The following SNX19 variants were observed in gnomAD, a reference collection of about 807,000 sequenced individuals.
The protein encoded by SNX19 is sorting nexin-19.
In SNX19, 60 loss-of-function variants were observed where a neutral mutation model predicts 85.2. The observed-to-expected ratio is 0.70, with a 90% CI of 0.57 to 0.87. The LOEUF is 0.87. Ranked by LOEUF, SNX19 falls within the 40% of genes least tolerant of loss-of-function variation. The pLI is 0.00. For synonymous variants in SNX19, 520 were observed against 470.0 expected (o/e 1.11, Z -1.38); for missense variants, 1,201 against 1,217.8 (o/e 0.99, Z 0.21).
chr11:130,874,383 A>G lies in SNX19; in HGVS notation c.*4039T>C, dbSNP rs1038949973. On this transcript the variant is annotated 3_prime_UTR_variant, in exon 11 of 11. Coordinates refer to ENST00000265909, the MANE Select transcript of SNX19 (RefSeq NM_014758.3). ...TCCTTCATTCCTTAGAAGAAAACAC[A>G]GAAGAGATGCTCCTGTTCTTTTATG... Among the ~76,000 whole-genome samples, 11 of 152,200 alleles carry G rather than the reference A, an allele frequency of 7.2e-5. No individual in the cohort carries two copies. The highest frequency in any genetic ancestry group is 2.7e-4 in the African/African-American group (11 of 41,448).
Position 130,869,840 on chromosome 11 carries a change from TA to T in SNX19, c.*8581del, listed in dbSNP as rs1192629335. The T allele has an allele frequency of 6.6e-6, 1 of 151,894 alleles. No homozygotes were observed. The highest frequency in any genetic ancestry group is 1.5e-5 in the Non-Finnish European group (1 of 68,008). 9.4% of individuals were successfully genotyped at this position (151,894 alleles called of 1,614,324 possible). A position where few individuals can be genotyped will look rare whatever the true frequency, so the allele number is the denominator to read the frequency against. ...CCTTAAGTTGATGTCCATATTGATT[TA>T]ACTATCAAAAAGGCAATTAGATTAG... On this transcript the variant is annotated 3_prime_UTR_variant, in exon 11 of 11. Transcript: ENST00000265909.
At chr11:130,884,163 A>G (rs1565510904) in intron 8 of SNX19, among the ~76,000 whole-genome samples, 2 of 152,128 alleles carry the variant, frequency 1.3e-5, no homozygotes, top group Non-Finnish European at 2.9e-5. Flanking sequence ...CTCTAAGGTA[A>G]AGCTCCATAC....
In SNX19 at chr11:130,915,904, A is replaced by C. The variant is rs1946555395; in HGVS notation, c.36T>G (p.Thr12=). ...TGAGGTGACAGCTCGATCCAGCTGGAGTTTCCTGGAACGGTGGCACTGTTT... is the reference window on the plus strand; with the variant it reads ...TGAGGTGACAGCTCGATCCAGCTGGCGTTTCCTGGAACGGTGGCACTGTTT... ...KTETVPPFQE[T]PAGSSCHLNN... Residue 12 remains threonine (T), a synonymous_variant, in exon 1 of 11, where the codon ACT becomes ACG. Transcript: ENST00000265909. The C allele has an allele frequency of 1.2e-6, 2 of 1,614,034 alleles. No individual in the cohort carries two copies.
At chr11:130,892,894 G>C (rs1944592661) in intron 8 of SNX19, 1 of 152,192 alleles carries the variant, frequency 6.6e-6, no homozygotes, top group East Asian at 1.9e-4. Flanking sequence ...CAAGGGCAAG[G>C]GCAGAGAGGT....
chr11:130,897,064 C>T (rs1944925038), intron 8 of SNX19, among the ~76,000 whole-genome samples: 1 of 152,096 alleles, frequency 6.6e-6, no homozygotes, highest in African/African-American at 2.4e-5. Context: ...CTCTCCAGTG[C>T]TCCCAGACTC....
At chr11:130,911,861 T>G in intron 1 of SNX19, 90 bp from the exon 2 acceptor site, 1 of 1,283,482 alleles carries the variant, frequency 7.8e-7, no homozygotes. Flanking sequence ...AATGGCCACA[T>G]AGCAAGAGTA....
chr11:130,906,156 T>A, intron 6 of SNX19, 23 bp from the exon 7 acceptor site: 1 of 1,608,198 alleles, frequency 6.2e-7, no homozygotes. Flanking sequence ...CAGTGGCATA[T>A]CACATATGGA....
chr11:130,884,203 A>G (rs1374458466), intron 8 of SNX19, among the ~76,000 whole-genome samples: 1 of 152,164 alleles, frequency 6.6e-6, no homozygotes, highest in Admixed American at 6.5e-5. Flanking sequence ...TAACTTTATT[A>G]ACTCCCCTAA....
intron 8 of SNX19, among the ~76,000 whole-genome samples, chr11:130,889,348 A>AT (rs1405698135): frequency 2.0e-5 from 3 of 152,044 alleles, no homozygotes; most frequent in Non-Finnish European, 2.9e-5. Context: ...TTGTTCATTC[A>AT]TTTACTCAAA....
In SNX19 at chr11:130,870,880, T is replaced by C. The variant is rs635878; in HGVS notation, c.*7542A>G. 6.6e-6 allele frequency among the ~76,000 whole-genome samples: 1 copy of C among 152,204 alleles called. No individual in the cohort carries two copies. Among genetic ancestry groups the C allele is most frequent in the Non-Finnish European group, 1.5e-5 (1 of 68,034 alleles). ...TAAAAAAGATAAAAGATATGTTCGT[T>C]GCCCTTGAAGAATTATAGTCTCTTA... On this transcript the variant is annotated 3_prime_UTR_variant, in exon 11 of 11. Coordinates refer to ENST00000265909, the MANE Select transcript of SNX19 (RefSeq NM_014758.3).
In SNX19 at chr11:130,906,045, T is replaced by A. The variant is rs1267845593; in HGVS notation, c.2351A>T (p.Glu784Val). 1.9e-6 allele frequency: 3 copies of A among 1,614,236 alleles called. No individual in the cohort carries two copies. Among genetic ancestry groups the A allele is most frequent in the Non-Finnish European group, 2.5e-6 (3 of 1,180,034 alleles). Residue 784 changes from glutamate to valine, a missense_variant, in exon 7 of 11, where the codon GAA becomes GTA. By Grantham distance (121) the Glu-to-Val change is moderately radical (BLOSUM62 -2). This residue lies in a region of SNX19 where 285 missense variants were observed against 295.3 expected (regional missense o/e 0.97). Transcript: ENST00000265909. ...TTTGGGAGGTTGTTCAGGATCTTTT[T>A]CTGGGGCTTTTGTTGGCTGCATTTC... is the stretch of plus-strand genomic sequence containing the variant. ...LLEMQPTKAP[E>V]KDPEQPPKGR...
rs1943123002 is a variant in SNX19, at chr11:130,873,999, T to C, written c.*4423A>G. Among the ~76,000 whole-genome samples, 1 of 151,742 alleles carries C rather than the reference T, an allele frequency of 6.6e-6. No individual in the cohort carries two copies. The highest frequency in any genetic ancestry group is 1.5e-5 in the Non-Finnish European group (1 of 67,978). The stretch of plus-strand genomic sequence containing the variant: ...TGGATTGGCATGAGGTGGGTGGTTC[T>C]AGCCAATGAGTCATAAGAGGTTTTT... On this transcript the variant is annotated 3_prime_UTR_variant, in exon 11 of 11. Coordinates refer to ENST00000265909, the MANE Select transcript of SNX19 (RefSeq NM_014758.3).
chr11:130,870,823 GT>G lies in SNX19; in HGVS notation c.*7598del, dbSNP rs1942996794. On this transcript the variant is annotated 3_prime_UTR_variant, in exon 11 of 11. Transcript: ENST00000265909. Reference sequence around the variant, plus strand: ...ATCATGCACTAGGTATATACATATAGTTGGGGGGGGGGCATAAGGACATAAT... The same window carrying G: ...ATCATGCACTAGGTATATACATATAGTGGGGGGGGGGCATAAGGACATAAT... 1.0e-5 allele frequency among the ~76,000 whole-genome samples: 1 copy of G among 95,496 alleles called. No individual in the cohort carries two copies. Among genetic ancestry groups the G allele is most frequent in the Non-Finnish European group, 2.1e-5 (1 of 46,830 alleles). 62.6% of individuals were successfully genotyped at this position (95,496 alleles called of 152,430 possible).
Position 130,876,419 on chromosome 11 carries a change from G to A in SNX19, c.*2003C>T, listed in dbSNP as rs1943255361. The A allele has an allele frequency of 6.6e-6, 1 of 152,636 alleles. No individual in the cohort carries two copies. Among genetic ancestry groups the A allele is most frequent in the African/African-American group, 2.4e-5 (1 of 41,438 alleles). The allele number at this position is 152,636 out of a possible 1,614,324, so 9.5% of individuals were successfully genotyped here. On this transcript the variant is annotated 3_prime_UTR_variant, in exon 11 of 11. Transcript: ENST00000265909. Reference sequence around the variant, plus strand: ...TTTTTGGGGTACGTGGAGTAGAGGTGGGGACTCTTATATAATACGAAATAA... The same window carrying A: ...TTTTTGGGGTACGTGGAGTAGAGGTAGGGACTCTTATATAATACGAAATAA...
Position 130,873,882 on chromosome 11 carries a change from T to C in SNX19, c.*4540A>G, listed in dbSNP as rs1174606922. On this transcript the variant is annotated 3_prime_UTR_variant, in exon 11 of 11. Coordinates refer to ENST00000265909, the MANE Select transcript of SNX19 (RefSeq NM_014758.3). ...GCTTCTTCCTTGCTAACATCAATTA[T>C]TTCTGTAGATATCTGACCTTCATGG... Among the ~76,000 whole-genome samples the C allele has an allele frequency of 1.3e-5, 2 of 152,196 alleles. No homozygotes were observed. Among genetic ancestry groups the C allele is most frequent in the African/African-American group, 4.8e-5 (2 of 41,450 alleles).
At position 130,873,664 on chromosome 11, in the gene SNX19, C is replaced by T. The variant is rs1449052940; in HGVS notation, c.*4758G>A. Among the ~76,000 whole-genome samples, 1 of 152,104 alleles carries T rather than the reference C, an allele frequency of 6.6e-6. No homozygotes were observed. Among genetic ancestry groups the T allele is most frequent in the Non-Finnish European group, 1.5e-5 (1 of 68,034 alleles). ...CAATTACTTTTGCACCAACCCACTACATCAGAACCTACCTTTAAGGGTTGA... is the reference window on the plus strand; with the variant it reads ...CAATTACTTTTGCACCAACCCACTATATCAGAACCTACCTTTAAGGGTTGA... On this transcript the variant is annotated 3_prime_UTR_variant, in exon 11 of 11. Coordinates refer to ENST00000265909, the MANE Select transcript of SNX19 (RefSeq NM_014758.3).
intron 9 of SNX19, 77 bp downstream of exon 9, chr11:130,880,545 A>G: frequency 7.6e-7 from 1 of 1,308,324 alleles, no homozygotes; most frequent in Non-Finnish European, 1.0e-6. Context: ...AAACAGGAAA[A>G]GGTGCAGGGG....
At chr11:130,909,227 T>A (rs1447019083) in intron 4 of SNX19, among the ~76,000 whole-genome samples, 1 of 152,206 alleles carries the variant, frequency 6.6e-6, no homozygotes, top group Non-Finnish European at 1.5e-5. Context: ...GATATCTGCA[T>A]GGAACTCTGG....
At position 130,874,090 on chromosome 11, in the gene SNX19, G is replaced by A. The variant is rs182821238; in HGVS notation, c.*4332C>T. On this transcript the variant is annotated 3_prime_UTR_variant, in exon 11 of 11. Transcript: ENST00000265909. The stretch of plus-strand genomic sequence containing the variant: ...AAGGCTAGAATGCAGTGGTGTGATC[G>A]TAGCTCACTGCAGCCTCAAATTCCT... Among the ~76,000 whole-genome samples the A allele has an allele frequency of 1.3e-4, 19 of 151,496 alleles. No homozygotes were observed. The highest frequency in any genetic ancestry group is 4.1e-4 in the African/African-American group (17 of 41,196).
Sources: allele counts gnomAD v4.1 joint callset (sites outside exome capture counted in the v4.1 genomes callset), GRCh38; gene constraint gnomAD v4.1.1; regional missense constraint gnomAD v4.1.1; transcripts MANE v1.5; gene names NCBI Gene and HGNC (gene_info 2026-07-23, HGNC 2026-07-21).